The following DNAJC16 variants were observed in gnomAD, a reference collection of about 807,000 sequenced individuals.
DNAJC16 encodes the protein dnaJ homolog subfamily C member 16.
In DNAJC16, 76 loss-of-function variants were observed where a neutral mutation model predicts 92.7. The observed-to-expected ratio is 0.82, with a 90% CI of 0.68 to 0.99. The LOEUF is 0.99. Ranked by LOEUF, DNAJC16 falls within the 50% of genes least tolerant of loss-of-function variation. The pLI is 0.00. For synonymous variants in DNAJC16, 328 were observed against 358.7 expected, an observed-to-expected ratio of 0.91 and a Z score of 0.97; for missense variants, 869 against 942.4, an observed-to-expected ratio of 0.92 and a Z score of 1.02.
chr1:15,549,811 C>G (rs1331873894), intron 7 of DNAJC16, among the ~76,000 whole-genome samples: 1 of 140,688 alleles, frequency 7.1e-6, no homozygotes, highest in Non-Finnish European at 1.5e-5. Context: ...GAGCAAGACT[C>G]CGTCTCAAAA....
At chr1:15,554,778 C>T (rs550156166) in intron 7 of DNAJC16, among the ~76,000 whole-genome samples, 8 of 152,076 alleles carry the variant, frequency 5.3e-5, no homozygotes, top group Admixed American at 2.0e-4. Context: ...GGATAGAGAT[C>T]GTATAAAAGG....
At chr1:15,532,708 T>TG (rs1710687362) in intron 2 of DNAJC16, among the ~76,000 whole-genome samples, 1 of 152,056 alleles carries the variant, frequency 6.6e-6, no homozygotes, top group African/African-American at 2.4e-5. Context: ...TTTTTGTGTT[T>TG]TTTTTTGTCA....
chr1:15,549,419 C>T (rs3980014), intron 7 of DNAJC16, among the ~76,000 whole-genome samples: 98,001 of 152,008 alleles, frequency 0.64, 33,093 homozygotes, highest in African/African-American at 0.85. Flanking sequence ...GGCATAATAC[C>T]GTAGTCTCCC....
intron 5 of DNAJC16, among the ~76,000 whole-genome samples, chr1:15,546,269 A>G (rs1557577729): frequency 6.6e-6 from 1 of 152,128 alleles, no homozygotes; most frequent in Admixed American, 6.5e-5. Flanking sequence ...AGCCATGATC[A>G]TGCCACTGCA....
At chr1:15,565,010 T>C (rs1245160091) in intron 11 of DNAJC16, among the ~76,000 whole-genome samples, 2 of 151,328 alleles carry the variant, frequency 1.3e-5, no homozygotes, top group Non-Finnish European at 2.9e-5. Context: ...AATTTTTGTA[T>C]GTTTAGTAGA....
At chr1:15,533,861 T>A (rs1710718212) in intron 2 of DNAJC16, among the ~76,000 whole-genome samples, 1 of 152,194 alleles carries the variant, frequency 6.6e-6, no homozygotes, top group Non-Finnish European at 1.5e-5. Flanking sequence ...AGCATTGGGA[T>A]GAAACGTTGC....
chr1:15,544,160 A>ACACACACACACACACACG (rs1002679715), intron 4 of DNAJC16, among the ~76,000 whole-genome samples: 5 of 149,194 alleles, frequency 3.4e-5, no homozygotes, highest in African/African-American at 9.9e-5. Flanking sequence ...ATACACACAC[A>ACACACACACACACACACG]CACACACACA....
Position 15,567,903 on chromosome 1 carries a change from G to T in DNAJC16, c.2075G>T (p.Arg692Leu), listed in dbSNP as rs746250260. Residue 692 changes from arginine (R) to leucine (L), a missense_variant, in exon 15 of 15, where the codon CGT becomes CTT. Physicochemically the swap from Arg to Leu is moderately radical, Grantham distance 102 (BLOSUM62 -2). Transcript: ENST00000375847. ...PNQYDKHFME[R>L]DYTGYVLALN... Reference sequence around the variant, plus strand: ...CAATATGATAAGCATTTCATGGAGCGTGACTACACTGGTTATGTACTGGCT... The same window carrying T: ...CAATATGATAAGCATTTCATGGAGCTTGACTACACTGGTTATGTACTGGCT... 1.9e-6 allele frequency: 3 copies of T among 1,614,062 alleles called. No individual in the cohort carries two copies. The highest frequency in any genetic ancestry group is 2.5e-6 in the Non-Finnish European group (3 of 1,180,052).
At chr1:15,543,686 G>C (rs560454280) in intron 4 of DNAJC16, among the ~76,000 whole-genome samples, 2 of 152,292 alleles carry the variant, frequency 1.3e-5, no homozygotes, top group East Asian at 3.9e-4. Flanking sequence ...TATTATTGCA[G>C]CAACATAGGC....
Position 15,571,037 on chromosome 1 carries a change from T to C in DNAJC16, c.*2860T>C, listed in dbSNP as rs1638938160. ...CCAAAAAAAAAAAAAAATTTGTTGCTCAGGTGTTGCACAATTTTTATCTAA... is the reference window on the plus strand; with the variant it reads ...CCAAAAAAAAAAAAAAATTTGTTGCCCAGGTGTTGCACAATTTTTATCTAA... On this transcript the variant is annotated 3_prime_UTR_variant, in exon 15 of 15. Coordinates refer to ENST00000375847, the MANE Select transcript of DNAJC16 (RefSeq NM_015291.4). 1 of 151,710 alleles carries C rather than the reference T, an allele frequency of 6.6e-6. No individual in the cohort carries two copies. Among genetic ancestry groups the C allele is most frequent in the Admixed American group, 6.6e-5 (1 of 15,216 alleles). The allele number at this position is 151,710 out of a possible 1,614,324, so 9.4% of individuals were successfully genotyped here.
In DNAJC16 at chr1:15,568,243, C is replaced by G; in HGVS notation, c.*66C>G. Reference sequence around the variant, plus strand: ...ACATGCCCCTGTGAACAGGTATTTTCAGGACTCAAACTACCACAATGAACA... The same window carrying G: ...ACATGCCCCTGTGAACAGGTATTTTGAGGACTCAAACTACCACAATGAACA... On this transcript the variant is annotated 3_prime_UTR_variant, in exon 15 of 15. Transcript: ENST00000375847. 7.4e-7 allele frequency: 1 copy of G among 1,352,656 alleles called. No homozygotes were observed. The highest frequency in any genetic ancestry group is 1.0e-6 in the Non-Finnish European group (1 of 982,594). The allele number at this position is 1,352,656 out of a possible 1,614,324, so 83.8% of individuals were successfully genotyped here.
chr1:15,563,164 G>A (rs543835137), intron 9 of DNAJC16, among the ~76,000 whole-genome samples: 1,738 of 152,072 alleles, frequency 0.011, 36 homozygotes, highest in African/African-American at 0.039. Flanking sequence ...TTAAGTCAAG[G>A]TTATAGAGCA....
chr1:15,546,209 G>A (rs1207355712), intron 5 of DNAJC16, among the ~76,000 whole-genome samples: 2 of 152,218 alleles, frequency 1.3e-5, no homozygotes, highest in Non-Finnish European at 2.9e-5. Context: ...GGAGGCTGAG[G>A]TGGGAGGATC....
chr1:15,531,874 A>G lies in DNAJC16; in HGVS notation c.168-2363A>G, dbSNP rs1710669229. On this transcript the variant is annotated intron_variant, in intron 2 of 14. Transcript: ENST00000375847. ...CTTACTAATGGCTTGATATACACTG[A>G]AAATAGCAGTGTTTCCCAGTTTGAC... Among the ~76,000 whole-genome samples, 3 of 152,336 alleles carry G rather than the reference A, an allele frequency of 2.0e-5. No homozygotes were observed. In the South Asian group the frequency reaches 6.2e-4, roughly 32 times the overall value.
chr1:15,545,350 T>C (rs1357621155), intron 5 of DNAJC16, among the ~76,000 whole-genome samples: 1 of 152,214 alleles, frequency 6.6e-6, no homozygotes, highest in East Asian at 1.9e-4. Context: ...GGAGAAATAT[T>C]TGTTGGAATT....
chr1:15,529,868 G>A (rs1305455813), intron 2 of DNAJC16, among the ~76,000 whole-genome samples: 1 of 152,042 alleles, frequency 6.6e-6, no homozygotes, highest in Admixed American at 6.6e-5. Context: ...TATAATCTAT[G>A]CACGTCCTCT....
In DNAJC16 at chr1:15,536,263, A is replaced by AGAGAC. The variant is rs573196180; in HGVS notation, c.235-210_235-206dup. Among the ~76,000 whole-genome samples, 133 of 151,686 alleles carry AGAGAC rather than the reference A, an allele frequency of 8.8e-4. 1 individual carries two copies. Among genetic ancestry groups the AGAGAC allele is most frequent in the African/African-American group, 3.2e-3 (131 of 41,360 alleles). On this transcript the variant is annotated intron_variant, in intron 3 of 14. Transcript: ENST00000375847. ...TGATTTGATTTTTTGTATTTTTAGT[A>AGAGAC]GAGACGGGGTTTCTCCATGTTGGTC... is the stretch of plus-strand genomic sequence containing the variant.
intron 7 of DNAJC16, among the ~76,000 whole-genome samples, chr1:15,549,862 T>C (rs1182407179): frequency 6.6e-6 from 1 of 151,440 alleles, no homozygotes; most frequent in East Asian, 1.9e-4. Flanking sequence ...AGGGGGACCA[T>C]GTTCACATCA....
In DNAJC16 at chr1:15,568,329, G is replaced by A. The variant is rs1638868268; in HGVS notation, c.*152G>A. 2 of 654,634 alleles carry A rather than the reference G, an allele frequency of 3.1e-6. No individual in the cohort carries two copies. The highest frequency in any genetic ancestry group is 5.5e-5 in the East Asian group (2 of 36,080). The allele number at this position is 654,634 out of a possible 1,614,324, so 40.6% of individuals were successfully genotyped here. A position where few individuals can be genotyped will look rare whatever the true frequency, so the allele number is the denominator to read the frequency against. On this transcript the variant is annotated 3_prime_UTR_variant, in exon 15 of 15. Coordinates refer to ENST00000375847, the MANE Select transcript of DNAJC16 (RefSeq NM_015291.4). Reference sequence around the variant, plus strand: ...GCTAGAAGAATCTTTCCTTTGTCCTGTTCTAACCTAGGAATGAAAAACACC... The same window carrying A: ...GCTAGAAGAATCTTTCCTTTGTCCTATTCTAACCTAGGAATGAAAAACACC...
Sources: allele counts gnomAD v4.1 joint callset (sites outside exome capture counted in the v4.1 genomes callset), GRCh38; gene constraint gnomAD v4.1.1; transcripts MANE v1.5; gene names NCBI Gene and HGNC (gene_info 2026-07-23, HGNC 2026-07-21).